The following MEIOC variants were observed in gnomAD, a reference collection of about 807,000 sequenced individuals.
The protein encoded by MEIOC is meiosis-specific coiled-coil domain-containing protein MEIOC.
A neutral mutation model predicts 85.3 loss-of-function variants in MEIOC; 9 were observed. The ratio of observed to expected loss-of-function variants is 0.11; its 90% CI spans 0.06 to 0.18. The LOEUF (loss-of-function observed/expected upper bound fraction) is 0.18. Among genes scored for constraint, MEIOC ranks in the 10% least tolerant of loss-of-function variants. The probability of loss-of-function intolerance (pLI) is 1.00; values close to 1 mark genes in which losing one functional copy is unlikely to be tolerated. For missense variants in MEIOC, 898 were observed against 1,129.4 expected (o/e 0.80, Z 2.94); for synonymous variants, 365 against 393.7 (o/e 0.93, Z 0.86).
intron 3 of MEIOC, among the ~76,000 whole-genome samples, chr17:44,663,747 A>G (rs1428343355): frequency 6.6e-6 from 1 of 152,180 alleles, no homozygotes; most frequent in East Asian, 1.9e-4. Flanking sequence ...ATACTAATAC[A>G]TAATTACACA....
intron 2 of MEIOC, among the ~76,000 whole-genome samples, chr17:44,657,623 G>A (rs986545713): frequency 1.3e-4 from 19 of 151,488 alleles, no homozygotes; most frequent in Non-Finnish European, 1.8e-4. Flanking sequence ...GTGCGATCTC[G>A]GCTCACCTCA....
In MEIOC at chr17:44,674,429, A is replaced by G. The variant is rs755519836; in HGVS notation, c.*233A>G. 1 of 1,254,834 alleles carries G rather than the reference A, an allele frequency of 8.0e-7. No homozygotes were observed. The highest frequency in any genetic ancestry group is 1.0e-6 in the Non-Finnish European group (1 of 996,886). 77.7% of individuals were successfully genotyped at this position (1,254,834 alleles called of 1,614,324 possible). A position where few individuals can be genotyped will look rare whatever the true frequency, so the allele number is the denominator to read the frequency against. ...ACTACTCAGAGTTCTGAGTAGTCAG[A>G]TAACAAGTTTAAGTAAATTAAATAT... On this transcript the variant is annotated 3_prime_UTR_variant, in exon 8 of 8. Transcript: ENST00000409122.
chr17:44,656,987 C>T, intron 1 of MEIOC, 140 bp from the exon 2 acceptor site: 1 of 1,005,546 alleles, frequency 9.9e-7, no homozygotes, highest in Non-Finnish European at 1.4e-6. Context: ...AGGCTGGAAG[C>T]GCGGGCCCCC....
chr17:44,672,282 C>T (rs1972024329), intron 6 of MEIOC, among the ~76,000 whole-genome samples: 1 of 152,116 alleles, frequency 6.6e-6, no homozygotes, highest in Non-Finnish European at 1.5e-5. Context: ...AGTGCCCAGC[C>T]CCAATTTGCA....
At chr17:44,675,922 GTAA>G (rs1322821116), downstream of MEIOC, 1 of 247,110 alleles carries the variant, frequency 4.0e-6, no homozygotes, top group Non-Finnish European at 6.4e-6. Context: ...TAACGCACAA[GTAA>G]TAATGTTGGT....
chr17:44,657,220 T>A lies in MEIOC; in HGVS notation c.163T>A (p.Leu55Met). ...RLTDVFGSVM[L>M]TGSASFYDCY... is the part of the protein sequence containing the mutation. ...AACCGACGTCTTCGGCAGCGTGATG[T>A]TGACTGGCTCCGCTTCCTTCTACGA... is the stretch of plus-strand genomic sequence containing the variant. The change falls in exon 2 of 8, where the codon TTG becomes ATG. Residue 55 changes from leucine (L) to methionine (M), a missense_variant. Physicochemically the swap from Leu to Met is conservative, Grantham distance 15. Coordinates refer to ENST00000409122, the MANE Select transcript of MEIOC (RefSeq NM_001145080.3). 6.4e-7 allele frequency: 1 copy of A among 1,552,080 alleles called. No homozygotes were observed. The highest frequency in any genetic ancestry group is 1.2e-5 in the South Asian group (1 of 84,064).
In MEIOC at chr17:44,675,466, A is replaced by T. The variant is rs909227841; in HGVS notation, c.*1270A>T. ...GAAATATCCTTGACTAGAAACACTG[A>T]TGTTTTAAATGTTAGTGTTTTTCTT... On this transcript the variant is annotated 3_prime_UTR_variant, in exon 8 of 8. Coordinates refer to ENST00000409122, the MANE Select transcript of MEIOC (RefSeq NM_001145080.3). The T allele has an allele frequency of 5.2e-6, 5 of 960,662 alleles. No individual in the cohort carries two copies. The Admixed American group carries it at 1.9e-4, about 36-fold the overall frequency. 59.5% of individuals were successfully genotyped at this position (960,662 alleles called of 1,614,324 possible).
rs1256242677 is a variant in MEIOC at position 44,662,490 on chromosome 17, C to G, written c.359+19C>G. On this transcript the variant is annotated intron_variant, in intron 3 of 7. Transcript: ENST00000409122. ...AGAACAGGTAAATTAATTCATTTCT[C>G]AAGGTAATTGAGGTATTTTTAAATT... 15 of 1,475,814 alleles carry G rather than the reference C, an allele frequency of 1.0e-5. No homozygotes were observed. The highest frequency in any genetic ancestry group is 1.4e-5 in the Non-Finnish European group (15 of 1,097,438). 91.4% of individuals were successfully genotyped at this position (1,475,814 alleles called of 1,614,324 possible).
At chr17:44,670,408 T>C (rs961267497) in intron 6 of MEIOC, 1 of 151,820 alleles carries the variant, frequency 6.6e-6, no homozygotes, top group Non-Finnish European at 1.5e-5. Context: ...AAGAATTTTT[T>C]AAAAAGCAAA....
chr17:44,662,676 G>A (rs752079582), intron 3 of MEIOC, among the ~76,000 whole-genome samples: 5 of 152,160 alleles, frequency 3.3e-5, no homozygotes, highest in Non-Finnish European at 5.9e-5. Flanking sequence ...TGTTGAGACA[G>A]GGTCTCGCTC....
At chr17:44,677,074 G>A (rs986474651), downstream of MEIOC, 3 of 456,102 alleles carry the variant, frequency 6.6e-6, no homozygotes, top group Non-Finnish European at 8.7e-6. Context: ...CTCCTTCAGT[G>A]ACAAAAATCA....
At position 44,668,125 on chromosome 17, in the gene MEIOC, T is replaced by C; in HGVS notation, c.2214T>C (p.Phe738=). Residue 738 remains phenylalanine, a synonymous_variant, in exon 5 of 8, where the codon TTT becomes TTC. Coordinates refer to ENST00000409122, the MANE Select transcript of MEIOC (RefSeq NM_001145080.3). The part of the protein sequence containing the change: ...DNSFSGLMPT[F]GFQRPIKTRS... ...CTTTTTCTGGTCTCATGCCAACTTT[T>C]GGATTTCAAAGACCAATTAAAACCC... 9 of 1,613,966 alleles carry C rather than the reference T, an allele frequency of 5.6e-6. No individual in the cohort carries two copies. Among genetic ancestry groups the C allele is most frequent in the Non-Finnish European group, 6.8e-6 (8 of 1,179,852 alleles).
intron 5 of MEIOC, 141 bp from the exon 6 acceptor site, chr17:44,669,242 A>G (rs1971962021): frequency 1.5e-6 from 1 of 667,814 alleles, no homozygotes; most frequent in East Asian, 2.8e-5. Flanking sequence ...ATTGTGGTTT[A>G]CATTTGTTGT....
rs1486606087 is a variant in MEIOC at position 44,670,449 on chromosome 17, T to C, written c.2457+932T>C. The stretch of plus-strand genomic sequence containing the variant: ...TTTTGAGTATTATTTATGGAGAAAG[T>C]CTCATTTCTTTGTCACATTTGTTTT... On this transcript the variant is annotated intron_variant, in intron 6 of 7. Coordinates refer to ENST00000409122, the MANE Select transcript of MEIOC (RefSeq NM_001145080.3). 4.6e-5 allele frequency: 7 copies of C among 151,242 alleles called. No homozygotes were observed. In the East Asian group the frequency reaches 1.4e-3, roughly 29 times the overall value. 9.4% of individuals were successfully genotyped at this position (151,242 alleles called of 1,614,324 possible).
At chr17:44,663,268 T>TTGATGATGA (rs10638687) in intron 3 of MEIOC, among the ~76,000 whole-genome samples, 3,066 of 147,960 alleles carry the variant, frequency 0.021, 44 homozygotes, top group South Asian at 0.033. Flanking sequence ...CTTTATAATC[T>TTGATGATGA]TGATGATGAT....
At chr17:44,665,559 A>G (rs1568133547) in intron 4 of MEIOC, 71 bp downstream of exon 4, 1 of 674,780 alleles carries the variant, frequency 1.5e-6, no homozygotes. Flanking sequence ...CTGTTTATTA[A>G]CTTTTATTTT....
intron 6 of MEIOC, chr17:44,670,276 A>AG (rs1464644305): frequency 1.3e-5 from 2 of 149,822 alleles, no homozygotes; most frequent in Middle Eastern, 3.4e-3. Context: ...AAAAAAAAAA[A>AG]AAGAAAAAAA....
At chr17:44,662,866 T>C (rs1971858981) in intron 3 of MEIOC, among the ~76,000 whole-genome samples, 1 of 152,186 alleles carries the variant, frequency 6.6e-6, no homozygotes, top group Non-Finnish European at 1.5e-5. Flanking sequence ...GAGGTCTCAC[T>C]TTGTTGCCTA....
intron 5 of MEIOC, 109 bp downstream of exon 5, chr17:44,668,342 A>G: frequency 9.5e-7 from 1 of 1,055,892 alleles, no homozygotes; most frequent in East Asian, 2.4e-5. Context: ...TTTTTGCTTT[A>G]TTTGTTGTTG....
Sources: allele counts gnomAD v4.1 joint callset (sites outside exome capture counted in the v4.1 genomes callset), GRCh38; gene constraint gnomAD v4.1.1; transcripts MANE v1.5; gene names NCBI Gene and HGNC (gene_info 2026-07-23, HGNC 2026-07-21).